The following UNC13B variants were observed in gnomAD, a reference collection of about 807,000 sequenced individuals.
The protein encoded by UNC13B is protein unc-13 homolog B.
Under a neutral mutation model 211.0 loss-of-function variants are expected in UNC13B, and 144 were observed. That is an observed-to-expected ratio of 0.68 (90% CI 0.60 to 0.78). The LOEUF is 0.78. Ranked by LOEUF, UNC13B falls within the 30% of genes least tolerant of loss-of-function variation. The pLI is 0.00. For missense variants in UNC13B, 1,777 were observed against 2,002.0 expected (o/e 0.89, Z 2.14); for synonymous variants, 709 against 725.8 (o/e 0.98, Z 0.37).
intron 1 of UNC13B, among the ~76,000 whole-genome samples, chr9:35,178,885 C>CAAA (rs35487632): frequency 3.4e-4 from 21 of 61,104 alleles, no homozygotes; most frequent in East Asian, 5.4e-4. Context: ...GAGACAGCCT[C>CAAA]AAAAAAAAAA....
At chr9:35,389,815 C>G in intron 24 of UNC13B, 31 bp from the exon 25 acceptor site, 6 of 1,608,816 alleles carry the variant, frequency 3.7e-6, no homozygotes, top group African/African-American at 1.3e-5. Context: ...GACTCTTTCT[C>G]CCTCTCTCTC....
At position 35,399,290 on chromosome 9, in the gene UNC13B, G is replaced by A; in HGVS notation, c.12198+6G>A. 3 of 1,614,102 alleles carry A rather than the reference G, an allele frequency of 1.9e-6. No individual in the cohort carries two copies. Among genetic ancestry groups the A allele is most frequent in the Non-Finnish European group, 2.5e-6 (3 of 1,180,002 alleles). On this transcript the variant is annotated splice_donor_region_variant and intron_variant, in intron 34 of 39. Coordinates refer to ENST00000635942, the MANE Select transcript of UNC13B (RefSeq NM_001371189.2). Reference sequence around the variant, plus strand: ...CCCCACTCACTGACCAGACGGTAAGGACACCTCCTTCCACTTCCTCCTGCT... The same window carrying A: ...CCCCACTCACTGACCAGACGGTAAGAACACCTCCTTCCACTTCCTCCTGCT...
At chr9:35,384,335 G>T in intron 22 of UNC13B, 21 bp downstream of exon 22, 2 of 1,612,664 alleles carry the variant, frequency 1.2e-6, no homozygotes, top group Non-Finnish European at 1.7e-6. Context: ...ACACGGCTGT[G>T]GGCAGGATAA....
intron 28 of UNC13B, 33 bp from the exon 29 acceptor site, chr9:35,397,134 G>T: frequency 6.2e-7 from 1 of 1,611,446 alleles, no homozygotes. Flanking sequence ...GATAGCAGCT[G>T]TGGATGGTGA....
At chr9:35,191,122 G>A (rs1035131379) in intron 1 of UNC13B, among the ~76,000 whole-genome samples, 3 of 152,060 alleles carry the variant, frequency 2.0e-5, no homozygotes, top group African/African-American at 7.2e-5. Context: ...ACCACACCCA[G>A]CTAATTTTTG....
chr9:35,403,714 C>A, intron 39 of UNC13B, 34 bp from the exon 40 acceptor site: 1 of 1,612,108 alleles, frequency 6.2e-7, no homozygotes, highest in Non-Finnish European at 8.5e-7. Flanking sequence ...GAAGACTCAA[C>A]TCTGGCCTCA....
At chr9:35,171,834 G>T (rs187387337) in intron 1 of UNC13B, among the ~76,000 whole-genome samples, 2 of 152,136 alleles carry the variant, frequency 1.3e-5, no homozygotes, top group Non-Finnish European at 2.9e-5. Flanking sequence ...TTTATTTAAT[G>T]TATTTCTTAA....
At chr9:35,284,842 C>T (rs75455855) in intron 7 of UNC13B, among the ~76,000 whole-genome samples, 3 of 152,194 alleles carry the variant, frequency 2.0e-5, no homozygotes, top group African/African-American at 2.4e-5. Context: ...TGGCTGTTCA[C>T]ATGGAGTCTG....
At chr9:35,332,055 C>T (rs956394788) in intron 11 of UNC13B, among the ~76,000 whole-genome samples, 1 of 151,684 alleles carries the variant, frequency 6.6e-6, no homozygotes, top group African/African-American at 2.4e-5. Flanking sequence ...GATCTCAGCT[C>T]ACTGCAACCT....
chr9:35,204,183 G>A (rs1823504781), intron 1 of UNC13B, among the ~76,000 whole-genome samples: 1 of 152,250 alleles, frequency 6.6e-6, no homozygotes, highest in African/African-American at 2.4e-5. Context: ...TAAGCCTGTG[G>A]ATGCACAGAG....
In UNC13B at chr9:35,300,268, AACTAAG is replaced by A. The variant is rs567616356; in HGVS notation, c.870_875del (p.Lys290_Thr291del). The A allele has an allele frequency of 2.5e-6, 1 of 398,912 alleles. No homozygotes were observed. The highest frequency in any genetic ancestry group is 3.6e-5 in the East Asian group (1 of 28,064). The allele number at this position is 398,912 out of a possible 1,614,324, so 24.7% of individuals were successfully genotyped here. A position where few individuals can be genotyped will look rare whatever the true frequency, so the allele number is the denominator to read the frequency against. On this transcript the variant is annotated inframe_deletion, in exon 9 of 40. Coordinates refer to ENST00000635942, the MANE Select transcript of UNC13B (RefSeq NM_001371189.2). ...GAAGGCAATATGGTGAGAGATCTGA[AACTAAG>A]ACTAACTACAAAAGTACATATTCTA...
At chr9:35,332,981 C>T (rs1831455584) in intron 11 of UNC13B, among the ~76,000 whole-genome samples, 2 of 151,988 alleles carry the variant, frequency 1.3e-5, no homozygotes, top group African/African-American at 4.8e-5. Flanking sequence ...TAGTGATTAC[C>T]TTTGGGGGAT....
Position 35,310,611 on chromosome 9 carries a change from G to T in UNC13B, c.9153G>T (p.Leu3051=), listed in dbSNP as rs1395945862. ...ATTCTTGCCACAGCTCTCACAGCCT[G>T]TCCAGAGATGGCCAAGCAGGTTTTG... ...SIHSCHSSHS[L]SRDGQAGFGE... is the part of the protein sequence containing the mutation. The change falls in exon 10 of 40, where the codon CTG becomes CTT. Residue 3051 remains leucine, a synonymous_variant. Coordinates refer to ENST00000635942, the MANE Select transcript of UNC13B (RefSeq NM_001371189.2). 6.2e-7 allele frequency: 1 copy of T among 1,613,908 alleles called. No individual in the cohort carries two copies. Among genetic ancestry groups the T allele is most frequent in the Non-Finnish European group, 8.5e-7 (1 of 1,180,006 alleles).
At chr9:35,286,288 G>A (rs1404963073) in intron 7 of UNC13B, among the ~76,000 whole-genome samples, 2 of 146,360 alleles carry the variant, frequency 1.4e-5, no homozygotes, top group African/African-American at 5.1e-5. Flanking sequence ...CTGGAGTGCA[G>A]TGGCTGTGAT....
intron 12 of UNC13B, among the ~76,000 whole-genome samples, chr9:35,368,063 A>T (rs577996928): frequency 8.5e-5 from 13 of 152,100 alleles, no homozygotes; most frequent in South Asian, 6.2e-4. Context: ...TTAAAAAAAA[A>T]TTTTTTTTAA....
intron 11 of UNC13B, among the ~76,000 whole-genome samples, chr9:35,341,637 GGGA>G (rs1832001936): frequency 2.0e-5 from 3 of 152,272 alleles, no homozygotes; most frequent in Non-Finnish European, 4.4e-5. Context: ...AAAGAAAGCA[GGGA>G]GGAGAAGAAC....
At chr9:35,199,761 T>C (rs2131371444) in intron 1 of UNC13B, among the ~76,000 whole-genome samples, 1 of 152,330 alleles carries the variant, frequency 6.6e-6, no homozygotes, top group Non-Finnish European at 1.5e-5. Flanking sequence ...GATGAGTAGA[T>C]TGCAAAAATT....
At position 35,328,655 on chromosome 9, in the gene UNC13B, CCTTCCTTCCTCCCTCCCTT is replaced by C. The variant is rs1434668758; in HGVS notation, c.9414+14668_9414+14686del. ...TCCTTCCTTCCTTCCTTCCTTCCTT[CCTTCCTTCCTCCCTCCCTT>C]CCTTCCCTTCCCTTTCTTCCTCCCT... On this transcript the variant is annotated intron_variant, in intron 11 of 39. Transcript: ENST00000635942. 3.1e-4 allele frequency among the ~76,000 whole-genome samples: 34 copies of C among 108,728 alleles called. No homozygotes were observed. The East Asian group carries it at 0.01, about 33-fold the overall frequency. The allele number at this position is 108,728 out of a possible 152,430, so 71.3% of individuals were successfully genotyped here. A position where few individuals can be genotyped will look rare whatever the true frequency, so the allele number is the denominator to read the frequency against.
Position 35,223,910 on chromosome 9 carries a change from A to T in UNC13B, c.23-4105A>T, listed in dbSNP as rs369120682. On this transcript the variant is annotated intron_variant, in intron 1 of 39. Coordinates refer to ENST00000635942, the MANE Select transcript of UNC13B (RefSeq NM_001371189.2). ...CAACACCATTTATTGAAGATATTAT[A>T]CTTTCCTCTGTGTTTTTCTGGTACG... Among the ~76,000 whole-genome samples the T allele has an allele frequency of 7.7e-4, 117 of 152,190 alleles. 2 individuals are homozygous for T. The South Asian group carries it at 0.019, about 25-fold the overall frequency.
Sources: gnomAD v4.1 joint callset for allele counts (sites outside exome capture counted in the v4.1 genomes callset) on GRCh38, gnomAD v4.1.1 for gene constraint, MANE v1.5 for transcripts, NCBI Gene and HGNC (gene_info 2026-07-23, HGNC 2026-07-21) for gene names.